The following SPOCK1 variants were observed in gnomAD, a reference collection of about 807,000 sequenced individuals.
SPOCK1 encodes SPARC (osteonectin), cwcv and kazal like domains proteoglycan 1, also known as testican-1.
A neutral mutation model predicts 55.3 loss-of-function variants in SPOCK1; 23 were observed. The ratio of observed to expected loss-of-function variants is 0.42; its 90% CI spans 0.30 to 0.59. The LOEUF (loss-of-function observed/expected upper bound fraction) is 0.59. Ranked by LOEUF, SPOCK1 falls within the 20% of genes least tolerant of loss-of-function variation. SPOCK1 has a pLI of 0.22. For missense variants in SPOCK1, 499 were observed against 552.5 expected (o/e 0.90, Z 0.97); for synonymous variants, 226 against 221.0 (o/e 1.02, Z -0.20).
chr5:137,067,575 C>T, intron 6 of SPOCK1, 140 bp downstream of exon 6: 2 of 640,556 alleles, frequency 3.1e-6, no homozygotes, highest in East Asian at 2.8e-5. Context: ...GTTTAGGGTC[C>T]CTAAATCTGG....
intron 2 of SPOCK1, among the ~76,000 whole-genome samples, chr5:137,331,672 G>C (rs533004395): frequency 6.6e-6 from 1 of 152,190 alleles, no homozygotes. Flanking sequence ...AGAGGTCCCA[G>C]ACGCTTCTAA....
intron 5 of SPOCK1, among the ~76,000 whole-genome samples, chr5:137,083,050 G>C (rs1291924667): frequency 2.0e-5 from 3 of 152,152 alleles, no homozygotes; most frequent in Admixed American, 6.5e-5. Flanking sequence ...CAAGCTCTGA[G>C]GGGGGACCCT....
chr5:137,147,206 T>C (rs1754212597), intron 3 of SPOCK1, among the ~76,000 whole-genome samples: 2 of 152,240 alleles, frequency 1.3e-5, no homozygotes, highest in East Asian at 1.9e-4. Context: ...GATGGGTGTA[T>C]AGCAGTTTAT....
chr5:137,209,319 A>C (rs571117220), intron 3 of SPOCK1, among the ~76,000 whole-genome samples: 2 of 152,326 alleles, frequency 1.3e-5, no homozygotes, highest in East Asian at 3.9e-4. Flanking sequence ...AGGCTGCCAA[A>C]ACCCTAAATA....
chr5:137,413,909 C>T (rs1378122679), intron 2 of SPOCK1, among the ~76,000 whole-genome samples: 1 of 152,084 alleles, frequency 6.6e-6, no homozygotes, highest in Non-Finnish European at 1.5e-5. Flanking sequence ...TTTCCTCAGC[C>T]CCACACGCAC....
At chr5:137,243,173 C>T (rs1344455795) in intron 3 of SPOCK1, among the ~76,000 whole-genome samples, 1 of 152,180 alleles carries the variant, frequency 6.6e-6, no homozygotes, top group African/African-American at 2.4e-5. Flanking sequence ...TACAACTGAG[C>T]CGCTGATTTT....
chr5:137,477,857 G>A (rs959497694), intron 2 of SPOCK1, among the ~76,000 whole-genome samples: 5 of 152,188 alleles, frequency 3.3e-5, no homozygotes, highest in Non-Finnish European at 5.9e-5. Context: ...AAAGAGGGAC[G>A]CTTGGCTTCA....
chr5:137,493,687 A>C (rs1754237084), intron 2 of SPOCK1, among the ~76,000 whole-genome samples: 2 of 152,250 alleles, frequency 1.3e-5, no homozygotes, highest in African/African-American at 4.8e-5. Context: ...TCAGGATCAC[A>C]AACTCATTTA....
intron 2 of SPOCK1, among the ~76,000 whole-genome samples, chr5:137,397,212 A>G (rs1257609959): frequency 1.3e-5 from 2 of 152,130 alleles, no homozygotes; most frequent in East Asian, 3.9e-4. Context: ...TCCATGGATG[A>G]CCCTCTAGAA....
At chr5:137,392,642 G>T (rs1314932889) in intron 2 of SPOCK1, among the ~76,000 whole-genome samples, 4 of 152,160 alleles carry the variant, frequency 2.6e-5, no homozygotes, top group Non-Finnish European at 5.9e-5. Flanking sequence ...ATCTGTAAAA[G>T]GGGATAATAC....
At chr5:136,995,097 A>G (rs568569244) in intron 6 of SPOCK1, among the ~76,000 whole-genome samples, 2 of 152,300 alleles carry the variant, frequency 1.3e-5, no homozygotes, top group Non-Finnish European at 2.9e-5. Flanking sequence ...TCCACACTGG[A>G]CAGCACAGAC....
In SPOCK1 at chr5:137,318,558, G is replaced by C. The variant is rs1757924624; in HGVS notation, c.187-51503C>G. Reference sequence around the variant, plus strand: ...CTCGAGATTCCTCTCCCTGTAACTAGGGTTCTGGTGGATGGTGAGCCAGAT... The same window carrying C: ...CTCGAGATTCCTCTCCCTGTAACTACGGTTCTGGTGGATGGTGAGCCAGAT... On this transcript the variant is annotated intron_variant, in intron 2 of 10. Transcript: ENST00000394945. 2.0e-5 allele frequency among the ~76,000 whole-genome samples: 3 copies of C among 152,150 alleles called. No individual in the cohort carries two copies. In the South Asian group the frequency reaches 6.2e-4, roughly 32 times the overall value.
At chr5:137,248,685 G>C (rs1375581097) in intron 3 of SPOCK1, among the ~76,000 whole-genome samples, 1 of 152,184 alleles carries the variant, frequency 6.6e-6, no homozygotes, top group Admixed American at 6.5e-5. Context: ...AGATGAGTGA[G>C]AATAGTCCCA....
At position 137,160,385 on chromosome 5, in the gene SPOCK1, CAT is replaced by C. The variant is rs549919504; in HGVS notation, c.233-19693_233-19692del. Reference sequence around the variant, plus strand: ...ATATAAATATATAAAATATTTAAAACATAAATATATATAAATATATGAAATAT... The same window carrying C: ...ATATAAATATATAAAATATTTAAAACAAATATATATAAATATATGAAATAT... On this transcript the variant is annotated intron_variant, in intron 3 of 10. Transcript: ENST00000394945. Among the ~76,000 whole-genome samples, 192 of 122,890 alleles carry C rather than the reference CAT, an allele frequency of 1.6e-3. 3 individuals carry two copies. In the Middle Eastern group the frequency reaches 0.024, roughly 15 times the overall value. The allele number at this position is 122,890 out of a possible 152,430, so 80.6% of individuals were successfully genotyped here. A position where few individuals can be genotyped will look rare whatever the true frequency, so the allele number is the denominator to read the frequency against.
chr5:137,371,713 G>C (rs1300729320), intron 2 of SPOCK1, among the ~76,000 whole-genome samples: 1 of 152,152 alleles, frequency 6.6e-6, no homozygotes, highest in East Asian at 1.9e-4. Flanking sequence ...TCTCCTCTTA[G>C]CTTAGGTTTC....
intron 2 of SPOCK1, among the ~76,000 whole-genome samples, chr5:137,463,073 G>A (rs1753522715): frequency 6.6e-6 from 1 of 152,212 alleles, no homozygotes; most frequent in Admixed American, 6.5e-5. Flanking sequence ...ACTGAAGCAT[G>A]TTAAGCAGGA....
At chr5:137,068,188 T>C (rs975584602) in intron 5 of SPOCK1, among the ~76,000 whole-genome samples, 1 of 152,060 alleles carries the variant, frequency 6.6e-6, no homozygotes, top group Non-Finnish European at 1.5e-5. Flanking sequence ...TTCTCCACAC[T>C]CCTCCCGTGT....
intron 2 of SPOCK1, 107 bp downstream of exon 2, chr5:137,498,266 C>CCACACACACACACACACACACA (rs544933594): frequency 6.3e-6 from 5 of 796,384 alleles, no homozygotes; most frequent in East Asian, 7.0e-5. Context: ...CCCCTCCCAA[C>CCACACACACACACACACACACA]CACACACACA....
At chr5:137,493,844 T>C (rs1281112342) in intron 2 of SPOCK1, among the ~76,000 whole-genome samples, 1 of 152,222 alleles carries the variant, frequency 6.6e-6, no homozygotes, top group Non-Finnish European at 1.5e-5. Context: ...GCCACTATTT[T>C]ATCAATAGGC....
Sources: allele counts gnomAD v4.1 joint callset (sites outside exome capture counted in the v4.1 genomes callset), GRCh38; gene constraint gnomAD v4.1.1; transcripts MANE v1.5; gene names NCBI Gene and HGNC (gene_info 2026-07-23, HGNC 2026-07-21).